Variants in GSG1L2 observed in about 807,000 individuals in gnomAD.
GSG1L2 encodes germ cell-specific gene 1-like protein 2.
A neutral mutation model predicts 9.0 loss-of-function variants in GSG1L2; 15 were observed. That is an observed-to-expected ratio of 1.67 (90% CI 1.12 to 2.57). The LOEUF (loss-of-function observed/expected upper bound fraction) is 2.57. GSG1L2 is among the 30% of genes most tolerant of loss of function. The pLI, the probability that GSG1L2 is intolerant of heterozygous loss-of-function variation, is 0.00. For missense variants in GSG1L2, 286 were observed against 150.3 expected, an observed-to-expected ratio of 1.90 and a Z score of -4.72; for synonymous variants, 127 against 57.9, an observed-to-expected ratio of 2.19 and a Z score of -5.41.
chr17:9,810,577 C>A lies in GSG1L2; in HGVS notation c.352G>T (p.Glu118Ter). The A allele has an allele frequency of 2.8e-6, 2 of 703,020 alleles. No homozygotes were observed. The highest frequency in any genetic ancestry group is 5.2e-6 in the Non-Finnish European group (2 of 385,020). The allele number at this position is 703,020 out of a possible 1,614,324, so 43.5% of individuals were successfully genotyped here. ...GTGTGAGTAAGGTATTTACCTTGTT[C>A]TTCAGCTGGCACTACACTCCGGAAA... ...RSFRSVVPAE[E>*]QGVLWLSIGG... is the part of the protein sequence containing the mutation. The change falls in exon 2 of 5, where the codon GAA (glutamate) becomes TAA (stop). Residue 118 changes from glutamate (E) to a stop codon, truncating the protein, a stop_gained. Coordinates refer to ENST00000399363, the MANE Select transcript of GSG1L2 (RefSeq NM_001310219.2). LOFTEE classifies it high-confidence loss of function.
At chr17:9,818,191 C>T (rs115592161) in intron 1 of GSG1L2, among the ~76,000 whole-genome samples, 2,682 of 152,336 alleles carry the variant, frequency 0.018, 92 homozygotes, top group African/African-American at 0.061. Flanking sequence ...GCACTGGCAT[C>T]TGCTCAGCTT....
At chr17:9,812,788 CTT>C (rs990704710) in intron 1 of GSG1L2, among the ~76,000 whole-genome samples, 3 of 152,198 alleles carry the variant, frequency 2.0e-5, no homozygotes, top group Admixed American at 6.5e-5. Context: ...ACCTGGCTAA[CTT>C]TTTTATTTTT....
At chr17:9,821,712 C>T (rs765467093) in intron 1 of GSG1L2, 50 bp downstream of exon 1, 2 of 689,856 alleles carry the variant, frequency 2.9e-6, no homozygotes, top group Middle Eastern at 2.3e-4. Context: ...CTCCAGAGCC[C>T]CTGCCCCATC....
chr17:9,816,882 C>CTCTG (rs1368848144), intron 1 of GSG1L2, among the ~76,000 whole-genome samples: 6 of 36,136 alleles, frequency 1.7e-4, no homozygotes, highest in East Asian at 0.023. Flanking sequence ...GTGTGTGTAT[C>CTCTG]TGTGTGTGTG....
chr17:9,816,388 GTC>G (rs981705421), intron 1 of GSG1L2, among the ~76,000 whole-genome samples: 4 of 151,200 alleles, frequency 2.6e-5, no homozygotes, highest in African/African-American at 9.8e-5. Context: ...GTGCGTGTGT[GTC>G]TGTGTCTGTG....
intron 4 of GSG1L2, among the ~76,000 whole-genome samples, chr17:9,806,267 C>T (rs1309265877): frequency 6.6e-6 from 1 of 152,158 alleles, no homozygotes; most frequent in African/African-American, 2.4e-5. Flanking sequence ...GAGAGCTGTT[C>T]TCCCACCTCC....
chr17:9,807,237 G>A (rs549834835), intron 4 of GSG1L2, among the ~76,000 whole-genome samples: 4 of 152,176 alleles, frequency 2.6e-5, no homozygotes, highest in African/African-American at 9.6e-5. Context: ...TCAATTTCTC[G>A]GGGACTTTAC....
intron 2 of GSG1L2, 189 bp from the exon 3 acceptor site, chr17:9,809,171 G>A (rs2066528528): frequency 1.8e-6 from 1 of 565,994 alleles, no homozygotes. Context: ...GAAAGAGACG[G>A]TTGTAGGGAT....
At chr17:9,811,818 C>A (rs1006169144) in intron 1 of GSG1L2, among the ~76,000 whole-genome samples, 2 of 152,168 alleles carry the variant, frequency 1.3e-5, no homozygotes, top group African/African-American at 2.4e-5. Flanking sequence ...CGCTGTCCCG[C>A]TACATCACTG....
chr17:9,804,134 G>A (rs2066508391), intron 4 of GSG1L2: 1 of 152,288 alleles, frequency 6.6e-6, no homozygotes, highest in Non-Finnish European at 1.5e-5. Flanking sequence ...TGAGAGTACG[G>A]AAACGGCTGG....
chr17:9,803,331 G>A (rs1359734944), intron 4 of GSG1L2, among the ~76,000 whole-genome samples: 1 of 152,082 alleles, frequency 6.6e-6, no homozygotes, highest in Non-Finnish European at 1.5e-5. Flanking sequence ...TTGACCTCCC[G>A]ACCTCAGGTG....
At chr17:9,818,788 G>A (rs2066578064) in intron 1 of GSG1L2, among the ~76,000 whole-genome samples, 1 of 32,962 alleles carries the variant, frequency 3.0e-5, no homozygotes, top group Non-Finnish European at 4.5e-5. Flanking sequence ...TAACAAAGGC[G>A]GATGACTTTT....
chr17:9,810,786 C>G (rs747521382), intron 1 of GSG1L2, 168 bp from the exon 2 acceptor site: 3 of 608,334 alleles, frequency 4.9e-6, no homozygotes, highest in Non-Finnish European at 8.8e-6. Flanking sequence ...ATAATCCACC[C>G]TATTGGACTC....
Position 9,807,444 on chromosome 17 carries a change from C to T in GSG1L2, c.623+46G>A, listed in dbSNP as rs746899307. 1.2e-4 allele frequency: 86 copies of T among 701,904 alleles called. No individual in the cohort carries two copies. In the Middle Eastern group the frequency reaches 1.4e-3, roughly 11 times the overall value. The allele number at this position is 701,904 out of a possible 1,614,324, so 43.5% of individuals were successfully genotyped here. A position where few individuals can be genotyped will look rare whatever the true frequency, so the allele number is the denominator to read the frequency against. Reference sequence around the variant, plus strand: ...AAAACATGTGTATGTTTATGTGCATCTCTCCTGATCCTCCAGGACTTCAGC... The same window carrying T: ...AAAACATGTGTATGTTTATGTGCATTTCTCCTGATCCTCCAGGACTTCAGC... On this transcript the variant is annotated intron_variant, in intron 4 of 4. Transcript: ENST00000399363.
rs9908677 is a variant in GSG1L2 at position 9,808,938 on chromosome 17, G to A, written c.403C>T (p.Leu135=). ...AGGAGGATGGCGCTTGTCAGTATCA[G>A]AACGATATCCAGGACCTCGCCCCCG... ...SIGGEVLDIV[L]ILTSAILLGS... is the part of the protein sequence containing the mutation. Residue 135 remains leucine (L), a synonymous_variant, in exon 3 of 5, where the codon CTG becomes TTG. Transcript: ENST00000399363. 0.47 allele frequency: 327,461 copies of A among 702,720 alleles called. 77,799 individuals are homozygous for A. Among genetic ancestry groups the A allele is most frequent in the African/African-American group, 0.64 (36,678 of 57,260 alleles). The allele number at this position is 702,720 out of a possible 1,614,324, so 43.5% of individuals were successfully genotyped here. A position where few individuals can be genotyped will look rare whatever the true frequency, so the allele number is the denominator to read the frequency against.
At position 9,801,539 on chromosome 17, in the gene GSG1L2, A is replaced by C. The variant is rs2066496871; in HGVS notation, c.*847T>G. Among the ~76,000 whole-genome samples the C allele has an allele frequency of 6.6e-6, 1 of 152,172 alleles. No homozygotes were observed. Among genetic ancestry groups the C allele is most frequent in the Admixed American group, 6.5e-5 (1 of 15,272 alleles). On this transcript the variant is annotated 3_prime_UTR_variant, in exon 5 of 5. Coordinates refer to ENST00000399363, the MANE Select transcript of GSG1L2 (RefSeq NM_001310219.2). Reference sequence around the variant, plus strand: ...CCCCTTTCTTTTTTCAAAAAATCAAATTATGTGTGGAACAACCTGTGGCCT... The same window carrying C: ...CCCCTTTCTTTTTTCAAAAAATCAACTTATGTGTGGAACAACCTGTGGCCT...
chr17:9,814,312 G>A (rs1218336505), intron 1 of GSG1L2, among the ~76,000 whole-genome samples: 1 of 152,204 alleles, frequency 6.6e-6, no homozygotes, highest in Non-Finnish European at 1.5e-5. Flanking sequence ...AGGAGACCAG[G>A]CTCATATGAA....
In GSG1L2 at chr17:9,801,186, T is replaced by C. The variant is rs1054443767; in HGVS notation, c.*1200A>G. Among the ~76,000 whole-genome samples, 1 of 151,952 alleles carries C rather than the reference T, an allele frequency of 6.6e-6. No individual in the cohort carries two copies. Among genetic ancestry groups the C allele is most frequent in the African/African-American group, 2.4e-5 (1 of 41,384 alleles). ...AAGGACATATTGAAGGTTGTTAGAGTTTGCAGTCCCTTTCTTTTCTTTTTC... is the reference window on the plus strand; with the variant it reads ...AAGGACATATTGAAGGTTGTTAGAGCTTGCAGTCCCTTTCTTTTCTTTTTC... On this transcript the variant is annotated 3_prime_UTR_variant, in exon 5 of 5. Transcript: ENST00000399363.
chr17:9,812,822 A>G (rs1428807029), intron 1 of GSG1L2, among the ~76,000 whole-genome samples: 1 of 152,062 alleles, frequency 6.6e-6, no homozygotes, highest in Non-Finnish European at 1.5e-5. Flanking sequence ...GAGTCTCACT[A>G]TAACTCCTGG....
Sources: gnomAD v4.1 joint callset for allele counts (sites outside exome capture counted in the v4.1 genomes callset) on GRCh38, gnomAD v4.1.1 for gene constraint, MANE v1.5 for transcripts, NCBI Gene and HGNC (gene_info 2026-07-23, HGNC 2026-07-21) for gene names.